PCDH19: variants seen among roughly 807,000 people sequenced by gnomAD.
The protein encoded by PCDH19 is protocadherin-19.
Under a neutral mutation model 46.2 loss-of-function variants are expected in PCDH19, and 6 were observed. The observed-to-expected ratio is 0.13, with a 90% confidence interval of 0.07 to 0.26. The LOEUF (loss-of-function observed/expected upper bound fraction) is 0.26. Among genes scored for constraint, PCDH19 ranks in the 10% least tolerant of loss-of-function variants. PCDH19 has a pLI of 1.00. For missense variants in PCDH19, 740 were observed against 972.3 expected, an observed-to-expected ratio of 0.76 and a Z score of 3.18; for synonymous variants, 481 against 415.7, an observed-to-expected ratio of 1.16 and a Z score of -1.91.
chrX:100,322,865 A>ATATATATTTTT, intron 5 of PCDH19, among the ~76,000 whole-genome samples: 9 of 54,418 alleles, frequency 1.7e-4, no homozygotes, highest in Non-Finnish European at 2.6e-4. Flanking sequence ...ATATATATAT[A>ATATATATTTTT]TTTTTGCAGC....
intron 5 of PCDH19, among the ~76,000 whole-genome samples, chrX:100,300,200 T>C (rs763046175): frequency 7.1e-5 from 8 of 112,324 alleles, no homozygotes; most frequent in Non-Finnish European, 1.3e-4. Flanking sequence ...AAAGAAATTG[T>C]GTAGTAAATG....
intron 3 of PCDH19, among the ~76,000 whole-genome samples, chrX:100,381,777 A>C (rs746035534): frequency 2.8e-4 from 31 of 112,085 alleles, no homozygotes; most frequent in Admixed American, 2.4e-3. Context: ...TGCACATTTC[A>C]CAATGGTTGG....
intron 5 of PCDH19, among the ~76,000 whole-genome samples, chrX:100,302,102 C>A (rs1924798611): frequency 9.0e-6 from 1 of 111,648 alleles, no homozygotes; most frequent in African/African-American, 3.3e-5. Context: ...TGTCTGACTA[C>A]CATGAGGCAA....
At chrX:100,323,747 AACC>A (rs1925592732) in intron 5 of PCDH19, among the ~76,000 whole-genome samples, 1 of 111,586 alleles carries the variant, frequency 9.0e-6, no homozygotes, top group Admixed American at 9.5e-5. Context: ...GGGAAGACTG[AACC>A]ACTAAAACCC....
intron 3 of PCDH19, among the ~76,000 whole-genome samples, chrX:100,388,926 T>C (rs1196969559): frequency 6.3e-5 from 7 of 111,638 alleles, no homozygotes. Flanking sequence ...TAAAAATTAA[T>C]AGCAGTTCAT....
At chrX:100,369,959 C>T (rs935382054) in intron 3 of PCDH19, among the ~76,000 whole-genome samples, 4 of 111,729 alleles carry the variant, frequency 3.6e-5, no homozygotes, top group East Asian at 2.8e-4. Context: ...TCCCTCATAA[C>T]ATATCTACCC....
intron 3 of PCDH19, among the ~76,000 whole-genome samples, chrX:100,401,165 C>T (rs916229078): frequency 8.9e-6 from 1 of 111,810 alleles, no homozygotes; most frequent in African/African-American, 3.3e-5. Flanking sequence ...TGGAAGAGGA[C>T]ATATGCCTCC....
At chrX:100,310,868 T>G (rs751672320) in intron 5 of PCDH19, among the ~76,000 whole-genome samples, 8 of 109,444 alleles carry the variant, frequency 7.3e-5, no homozygotes, top group Non-Finnish European at 1.5e-4. Context: ...AAAAACTTCT[T>G]TAGAGACAAG....
At chrX:100,354,010 A>G (rs1403782924) in intron 3 of PCDH19, among the ~76,000 whole-genome samples, 3 of 111,984 alleles carry the variant, frequency 2.7e-5, no homozygotes, top group Admixed American at 9.5e-5. Context: ...GGTTACAGTT[A>G]TGGGAAAAAT....
intron 5 of PCDH19, among the ~76,000 whole-genome samples, chrX:100,306,771 A>T (rs1248940669): frequency 1.8e-5 from 2 of 111,309 alleles, no homozygotes; most frequent in Non-Finnish European, 3.8e-5. Context: ...ATTCAAGGCT[A>T]CTATGAACAC....
intron 3 of PCDH19, among the ~76,000 whole-genome samples, chrX:100,391,979 C>T (rs186282657): frequency 8.9e-6 from 1 of 111,872 alleles, no homozygotes; most frequent in African/African-American, 3.2e-5. Flanking sequence ...ACATCACACA[C>T]ATTTATTTGA....
intron 4 of PCDH19, among the ~76,000 whole-genome samples, chrX:100,349,359 T>G (rs1253308521): frequency 9.0e-6 from 1 of 111,573 alleles, no homozygotes; most frequent in South Asian, 3.8e-4. Flanking sequence ...CTAAATGGAT[T>G]CCTCCCAACC....
At chrX:100,379,889 T>C (rs923513411) in intron 3 of PCDH19, among the ~76,000 whole-genome samples, 2 of 111,573 alleles carry the variant, frequency 1.8e-5, no homozygotes, top group Admixed American at 9.5e-5. Context: ...ACACCACCCA[T>C]TGACATTGGT....
intron 3 of PCDH19, among the ~76,000 whole-genome samples, chrX:100,366,810 C>A (rs762528646): frequency 8.9e-6 from 1 of 112,500 alleles, no homozygotes; most frequent in South Asian, 3.7e-4. Context: ...TAGTCTACTT[C>A]TTCTCATTCT....
At chrX:100,366,253 G>C (rs1927067779) in intron 3 of PCDH19, among the ~76,000 whole-genome samples, 2 of 111,823 alleles carry the variant, frequency 1.8e-5, no homozygotes, top group Non-Finnish European at 3.8e-5. Flanking sequence ...GGGATTGTTT[G>C]ATCGTAGTGA....
Position 100,408,510 on chromosome X carries a change from C to T in PCDH19, c.88G>A (p.Glu30Lys), listed in dbSNP as rs931969825. The T allele has an allele frequency of 1.7e-6, 2 of 1,201,479 alleles. No homozygotes were observed. Among genetic ancestry groups the T allele is most frequent in the Non-Finnish European group, 2.2e-6 (2 of 892,831 alleles). ...ACCGTCCCGGCGCGCTGCTCCTCTT[C>T]TACCGAGTACTTGAGATTAATGAGG... Reference protein sequence around the residue: ...AALINLKYSVEEEQRAGTVIA... With the variant: ...AALINLKYSVKEEQRAGTVIA... The change falls in exon 1 of 6, where the codon GAA becomes AAA. Residue 30 changes from glutamate (E) to lysine (K), a missense_variant. Around this residue, in one of 5 missense-constraint regions of PCDH19, gnomAD observed 81 missense variants for 96.5 expected, o/e 0.84. Transcript: ENST00000373034.
At position 100,341,327 on chromosome X, in the gene PCDH19, A is replaced by G. The variant is rs1926246540; in HGVS notation, c.2848+576T>C. 3.6e-5 allele frequency among the ~76,000 whole-genome samples: 4 copies of G among 111,668 alleles called. No individual in the cohort carries two copies. The South Asian group carries it at 1.5e-3, about 42-fold the overall frequency. ...ACGTTCTCTTACCCTGGTCTCCCCT[A>G]TGACTAATGGCATGGTTTTGTGTGG... On this transcript the variant is annotated intron_variant, in intron 5 of 5. Transcript: ENST00000373034.
rs1473060062 is a variant in PCDH19 at position 100,295,410 on chromosome X, A to G, written c.*867T>C. The G allele has an allele frequency of 8.9e-6, 1 of 112,031 alleles. No individual in the cohort carries two copies. The highest frequency in any genetic ancestry group is 3.2e-5 in the African/African-American group (1 of 30,824). The allele number at this position is 112,031 out of a possible 1,213,427, so 9.2% of individuals were successfully genotyped here. The stretch of plus-strand genomic sequence containing the variant: ...TGCAAATTAGATAGCAGCCTATCCA[A>G]AAATGACTTTCTGCAATGATCTATC... On this transcript the variant is annotated 3_prime_UTR_variant, in exon 6 of 6. Transcript: ENST00000373034.
At chrX:100,345,339 T>G (rs1020998080) in intron 4 of PCDH19, among the ~76,000 whole-genome samples, 10 of 111,636 alleles carry the variant, frequency 9.0e-5, no homozygotes, top group Non-Finnish European at 1.3e-4. Context: ...CACACTATTA[T>G]GTGTGTGTGT....
Sources: gnomAD v4.1 joint callset for allele counts (sites outside exome capture counted in the v4.1 genomes callset) on GRCh38, gnomAD v4.1.1 for gene constraint, gnomAD v4.1.1 regional missense constraint, MANE v1.5 for transcripts, NCBI Gene and HGNC (gene_info 2026-07-23, HGNC 2026-07-21) for gene names.